The following CCND3 variants were observed in gnomAD, a reference collection of about 807,000 sequenced individuals.
The protein encoded by CCND3 is G1/S-specific cyclin-D3.
CCND3 carries 9 observed loss-of-function variants against 28.7 expected under a neutral mutation model. That is an observed-to-expected ratio of 0.31 (90% CI 0.19 to 0.55). CCND3 has a LOEUF of 0.55. Ranked by LOEUF, CCND3 falls within the 20% of genes least tolerant of loss-of-function variation. The probability of loss-of-function intolerance (pLI) is 0.93; values close to 1 mark genes in which losing one functional copy is unlikely to be tolerated. For missense variants in CCND3, 315 were observed against 385.8 expected, an observed-to-expected ratio of 0.82 and a Z score of 1.54; for synonymous variants, 164 against 163.9, an observed-to-expected ratio of 1.00 and a Z score of 0.00.
intron 1 of CCND3, among the ~76,000 whole-genome samples, chr6:42,042,647 A>T (rs1436244437): frequency 6.6e-6 from 1 of 152,140 alleles, no homozygotes; most frequent in Non-Finnish European, 1.5e-5. Context: ...TGAATGAGCA[A>T]CTGCGCCTGG....
chr6:41,948,917 T>C (rs1007268521), intron 1 of CCND3, among the ~76,000 whole-genome samples: 2 of 151,342 alleles, frequency 1.3e-5, no homozygotes, highest in Non-Finnish European at 2.9e-5. Flanking sequence ...GCAACTCACA[T>C]GGGGTTAAGG....
intron 1 of CCND3, among the ~76,000 whole-genome samples, chr6:42,046,820 T>G (rs569650151): frequency 6.6e-6 from 1 of 152,308 alleles, no homozygotes; most frequent in African/African-American, 2.4e-5. Context: ...TTTAGGAAAC[T>G]CCTAAGTTCC....
Position 42,048,261 on chromosome 6 carries a change from A to T in CCND3, c.-46+240T>A, listed in dbSNP as rs1287554926. 8.5e-6 allele frequency: 2 copies of T among 235,560 alleles called. No homozygotes were observed. Among genetic ancestry groups the T allele is most frequent in the African/African-American group, 4.7e-5 (2 of 42,126 alleles). 14.6% of individuals were successfully genotyped at this position (235,560 alleles called of 1,614,324 possible). A position where few individuals can be genotyped will look rare whatever the true frequency, so the allele number is the denominator to read the frequency against. ...GCCACGGGGCTTCCAGATCAGCTGG[A>T]GGGGGTTGTGCCGATGTGTGTACAT... On this transcript the variant is annotated intron_variant, in intron 1 of 4. Coordinates refer to the CCND3 transcript ENST00000372988. This position sits in a 1 kb window ranked among gnomAD's most constrained non-coding sequence, Gnocchi z 4.7.
At chr6:41,997,284 C>T (rs933244474) in intron 1 of CCND3, among the ~76,000 whole-genome samples, 1 of 152,188 alleles carries the variant, frequency 6.6e-6, no homozygotes, top group Admixed American at 6.6e-5. Flanking sequence ...TGCACTGTCT[C>T]CAGTTAGTAC....
chr6:42,021,393 T>C (rs1314357811), intron 1 of CCND3, among the ~76,000 whole-genome samples: 1 of 152,182 alleles, frequency 6.6e-6, no homozygotes, highest in Non-Finnish European at 1.5e-5. Context: ...CCTAAGAGAA[T>C]ATCCTACAGA....
chr6:42,040,891 C>T (rs1764353831), intron 1 of CCND3, among the ~76,000 whole-genome samples: 1 of 145,002 alleles, frequency 6.9e-6, no homozygotes, highest in South Asian at 2.3e-4. Flanking sequence ...AAAAAAAAAA[C>T]CTCATAGAAT....
intron 1 of CCND3, among the ~76,000 whole-genome samples, chr6:42,035,437 G>A (rs1481787870): frequency 6.6e-6 from 1 of 151,476 alleles, no homozygotes; most frequent in African/African-American, 2.4e-5. Flanking sequence ...GCTCGATCTC[G>A]GCTCACTGCA....
chr6:41,952,792 T>G (rs1776344353), intron 1 of CCND3, among the ~76,000 whole-genome samples: 1 of 137,660 alleles, frequency 7.3e-6, no homozygotes, highest in Non-Finnish European at 1.6e-5. Context: ...ACTGTGCTCA[T>G]TTTAAAGTAG....
At chr6:42,028,386 A>G (rs1349472488) in intron 1 of CCND3, among the ~76,000 whole-genome samples, 1 of 152,204 alleles carries the variant, frequency 6.6e-6, no homozygotes, top group African/African-American at 2.4e-5. Flanking sequence ...TGGAGAGCAC[A>G]GCTGTGCTAT....
chr6:41,935,988 C>T lies in CCND3; in HGVS notation c.831G>A (p.Gly277=), dbSNP rs1432131644. ...PKAPRGSSSQ[G]PSQTSTPTDV... ...CTGTAGGAGTGCTGGTCTGGCTGGG[C>T]CCTTGGCTGCTGGAGCCCCGGGGGG... Residue 277 remains glycine, a synonymous_variant, in exon 5 of 5, where the codon GGG becomes GGA. Transcript: ENST00000372991. 6.2e-7 allele frequency: 1 copy of T among 1,613,136 alleles called. No individual in the cohort carries two copies. The highest frequency in any genetic ancestry group is 8.5e-7 in the Non-Finnish European group (1 of 1,179,734).
chr6:41,959,933 G>A (rs1320805747), intron 1 of CCND3, among the ~76,000 whole-genome samples: 4 of 142,786 alleles, frequency 2.8e-5, no homozygotes, highest in African/African-American at 1.1e-4. Flanking sequence ...TCCAACCTGG[G>A]CAACAGAGCG....
chr6:42,045,239 T>C (rs542335687), intron 1 of CCND3, among the ~76,000 whole-genome samples: 1 of 152,260 alleles, frequency 6.6e-6, no homozygotes, highest in South Asian at 2.1e-4. Flanking sequence ...ATTAGGAAAG[T>C]CAATGCTCAG....
At position 41,951,564 on chromosome 6, in the gene CCND3, ACACACAC is replaced by A. The variant is rs1561958134; in HGVS notation, c.-45-10986_-45-10980del. On this transcript the variant is annotated intron_variant, in intron 1 of 4. Transcript: ENST00000372988. ...GCGACACACACACACACACACACAC[ACACACAC>A]ACACAAAAAAAAAGATTAAGTGGGA... is the stretch of plus-strand genomic sequence containing the variant. 1.3e-4 allele frequency among the ~76,000 whole-genome samples: 12 copies of A among 95,184 alleles called. 1 individual carries two copies. Among genetic ancestry groups the A allele is most frequent in the Non-Finnish European group, 1.8e-4 (8 of 45,414 alleles). The allele number at this position is 95,184 out of a possible 152,430, so 62.4% of individuals were successfully genotyped here.
intron 1 of CCND3, among the ~76,000 whole-genome samples, chr6:41,979,403 A>G (rs1194158133): frequency 4.0e-5 from 6 of 150,488 alleles, no homozygotes; most frequent in Non-Finnish European, 3.0e-5. Flanking sequence ...GTGTGGTGGC[A>G]GGCACCTGTA....
In CCND3 at chr6:42,012,649, CTT is replaced by C. The variant is rs561344312; in HGVS notation, c.-46+35850_-46+35851del. ...ATGATGAGTGAAGGAGTTCTGAGAA[CTT>C]GTGATTTCTACATGCTGGAATTCTG... On this transcript the variant is annotated intron_variant, in intron 1 of 4. Coordinates refer to the CCND3 transcript ENST00000372988. 1.4e-4 allele frequency among the ~76,000 whole-genome samples: 21 copies of C among 152,150 alleles called. 1 individual carries two copies. The South Asian group carries it at 4.4e-3, about 32-fold the overall frequency.
intron 1 of CCND3, among the ~76,000 whole-genome samples, chr6:42,020,156 G>A (rs753735804): frequency 1.3e-5 from 2 of 152,046 alleles, no homozygotes; most frequent in Non-Finnish European, 2.9e-5. Context: ...GCCGGCGCCC[G>A]TAGTCCCAGC....
intron 1 of CCND3, among the ~76,000 whole-genome samples, chr6:42,031,646 C>A (rs1287669762): frequency 6.6e-6 from 1 of 151,996 alleles, no homozygotes; most frequent in African/African-American, 2.4e-5. Context: ...TAGTTCTGCT[C>A]CCCCAAGAAA....
intron 1 of CCND3, among the ~76,000 whole-genome samples, chr6:41,961,139 T>G (rs146967310): frequency 6.6e-6 from 1 of 152,350 alleles, no homozygotes; most frequent in African/African-American, 2.4e-5. Context: ...GGACATCGGA[T>G]GCTGAGCCCT....
intron 1 of CCND3, among the ~76,000 whole-genome samples, chr6:42,026,821 G>A (rs893065428): frequency 7.9e-5 from 12 of 152,172 alleles, no homozygotes; most frequent in African/African-American, 2.7e-4. Context: ...CTCCCCACTG[G>A]CTGGCTGACG....
Sources: gnomAD v4.1 joint callset for allele counts (sites outside exome capture counted in the v4.1 genomes callset) on GRCh38, gnomAD v4.1.1 for gene constraint, Gnocchi (gnomAD v3.1) non-coding constraint, MANE v1.5 for transcripts, NCBI Gene and HGNC (gene_info 2026-07-23, HGNC 2026-07-21) for gene names.